The following PRRC2B variants were observed in gnomAD, a reference collection of about 807,000 sequenced individuals.
PRRC2B encodes protein PRRC2B.
Under a neutral mutation model 242.3 loss-of-function variants are expected in PRRC2B, and 68 were observed. That is an observed-to-expected ratio of 0.28 (90% CI 0.23 to 0.34). The LOEUF is 0.34. Among genes scored for constraint, PRRC2B ranks in the 10% least tolerant of loss-of-function variants. PRRC2B has a pLI of 1.00. For synonymous variants in PRRC2B, 1,228 were observed against 1,173.6 expected (o/e 1.05, Z -0.95); for missense variants, 2,835 against 2,954.8 (o/e 0.96, Z 0.94).
chr9:131,474,405 A>G, intron 15 of PRRC2B, 49 bp from the exon 16 acceptor site: 1 of 1,496,304 alleles, frequency 6.7e-7, no homozygotes, highest in East Asian at 2.3e-5. Flanking sequence ...CATGGAAACC[A>G]GGAACCAGGC....
rs530729177 is a variant in PRRC2B, at chr9:131,428,986, C to T, written c.-51-1108C>T. ...TGTGTTTTTTTTTAAGATGCAGTCT[C>T]GCTCTGTCGCCTAGACGGGAGTGCA... is the stretch of plus-strand genomic sequence containing the variant. On this transcript the variant is annotated intron_variant, in intron 1 of 31. Transcript: ENST00000683519. Among the ~76,000 whole-genome samples the T allele has an allele frequency of 4.6e-5, 7 of 152,276 alleles. No homozygotes were observed. The South Asian group carries it at 8.3e-4, about 18-fold the overall frequency.
At chr9:131,392,665 C>T (rs995263162), upstream of PRRC2B, among the ~76,000 whole-genome samples, 3 of 152,098 alleles carry the variant, frequency 2.0e-5, no homozygotes, top group African/African-American at 7.2e-5. Context: ...GTAATCCCAA[C>T]ACTTTGGGAG....
chr9:131,390,343 C>T (rs1329648933), upstream of PRRC2B, among the ~76,000 whole-genome samples: 1 of 150,070 alleles, frequency 6.7e-6, no homozygotes. Context: ...TCCCAGGGCT[C>T]TCCTCTGGGC....
upstream of PRRC2B, among the ~76,000 whole-genome samples, chr9:131,391,050 C>G (rs1304781069): frequency 6.6e-6 from 1 of 151,506 alleles, no homozygotes; most frequent in Non-Finnish European, 1.5e-5. Flanking sequence ...CTCCCAAAGT[C>G]CTGGGATTAC....
Position 131,455,912 on chromosome 9 carries a change from A to C in PRRC2B, c.1211+746A>C, listed in dbSNP as rs141618392. On this transcript the variant is annotated intron_variant, in intron 10 of 31. Coordinates refer to ENST00000683519, the MANE Select transcript of PRRC2B (RefSeq NM_013318.4). Reference sequence around the variant, plus strand: ...TGGATCTCTTGAGGTCAGGAGTTTGAGACCAGCCTGCCCAAGATGGTGAAA... The same window carrying C: ...TGGATCTCTTGAGGTCAGGAGTTTGCGACCAGCCTGCCCAAGATGGTGAAA... 6.9e-3 allele frequency among the ~76,000 whole-genome samples: 1,046 copies of C among 151,932 alleles called. 11 individuals are homozygous for C. Among genetic ancestry groups the C allele is most frequent in the African/African-American group, 0.022 (925 of 41,468 alleles).
intron 31 of PRRC2B, 60 bp from the exon 32 acceptor site, chr9:131,495,680 T>C: frequency 1.3e-6 from 2 of 1,567,230 alleles, no homozygotes; most frequent in Non-Finnish European, 1.7e-6. Context: ...GTGGGAACTA[T>C]GTATCCAAAC....
intron 9 of PRRC2B, among the ~76,000 whole-genome samples, chr9:131,450,657 A>G (rs1942886004): frequency 6.6e-6 from 1 of 151,562 alleles, no homozygotes. Flanking sequence ...GCATGATCTC[A>G]GCTCATTGCA....
chr9:131,423,708 C>A (rs1837908001), intron 1 of PRRC2B, among the ~76,000 whole-genome samples: 1 of 152,196 alleles, frequency 6.6e-6, no homozygotes, highest in South Asian at 2.1e-4. Context: ...TTGCTTATTT[C>A]TCTTCAGGCT....
chr9:131,476,341 C>T lies in PRRC2B; in HGVS notation c.4212C>T (p.Gly1404=). The T allele has an allele frequency of 1.3e-6, 2 of 1,586,328 alleles. No homozygotes were observed. Among genetic ancestry groups the T allele is most frequent in the Admixed American group, 1.8e-5 (1 of 55,000 alleles). ...AGCCCGACTCCCAGGTGGATGGTGG[C>T]CTGTCGGGGGCTAGTTTGGGTGAGA... ...GSEPDSQVDG[G]LSGASLGEKK... The change falls in exon 16 of 32, where the codon GGC becomes GGT. Residue 1404 remains glycine (G), a synonymous_variant. Transcript: ENST00000683519.
chr9:131,491,326 AG>A, intron 28 of PRRC2B, 98 bp from the exon 29 acceptor site: 1 of 1,171,182 alleles, frequency 8.5e-7, no homozygotes, highest in Non-Finnish European at 1.2e-6. Flanking sequence ...GTTCTTCTGA[AG>A]TGTATGAATC....
chr9:131,442,410 T>C (rs1057213296), intron 5 of PRRC2B, among the ~76,000 whole-genome samples: 2 of 152,162 alleles, frequency 1.3e-5, no homozygotes, highest in African/African-American at 4.8e-5. Flanking sequence ...TCTACCATAA[T>C]GAAGCGACTC....
chr9:131,411,858 G>C (rs1837516684), intron 1 of PRRC2B, among the ~76,000 whole-genome samples: 1 of 152,142 alleles, frequency 6.6e-6, no homozygotes, highest in Admixed American at 6.5e-5. Context: ...CTGTCACCCA[G>C]GGTGGAGTGC....
chr9:131,387,883 A>G lies in PRRC2B; in HGVS notation c.-56+14152A>G, dbSNP rs113735806. On this transcript the variant is annotated intron_variant, in intron 1 of 1. Coordinates refer to the PRRC2B transcript ENST00000682525. ...GTTGCAACAGTAATATTTTTGATAT[A>G]GTAGGCTAAATAAAATTCATTATTA... 8.1e-3 allele frequency among the ~76,000 whole-genome samples: 1,219 copies of G among 151,026 alleles called. 46 individuals are homozygous for G. Among genetic ancestry groups the G allele is most frequent in the African/African-American group, 0.028 (1,171 of 41,440 alleles).
At chr9:131,483,024 C>T in intron 22 of PRRC2B, 117 bp downstream of exon 22, 4 of 1,202,540 alleles carry the variant, frequency 3.3e-6, no homozygotes, top group Non-Finnish European at 4.7e-6. Flanking sequence ...GGGAGCCAAG[C>T]AGTCTTCCAG....
At chr9:131,415,445 G>A (rs1373018535) in intron 1 of PRRC2B, among the ~76,000 whole-genome samples, 1 of 152,210 alleles carries the variant, frequency 6.6e-6, no homozygotes, top group African/African-American at 2.4e-5. Context: ...CTGGGGCTGG[G>A]TCAGCCTCCC....
rs746113296 is a variant in PRRC2B, at chr9:131,464,751, T to C, written c.1405-12T>C. The C allele has an allele frequency of 1.9e-6, 3 of 1,564,906 alleles. No individual in the cohort carries two copies. Among genetic ancestry groups the C allele is most frequent in the Admixed American group, 3.6e-5 (2 of 54,874 alleles). On this transcript the variant is annotated splice_polypyrimidine_tract_variant and intron_variant, in intron 11 of 31. Transcript: ENST00000683519. ...GACCCACCGCCTTATCTCAGAGACA[T>C]TCTCTTGGCAGAAGTCATCAATGGG...
At chr9:131,401,538 A>T (rs1249076975) in intron 1 of PRRC2B, among the ~76,000 whole-genome samples, 1 of 151,198 alleles carries the variant, frequency 6.6e-6, no homozygotes, top group African/African-American at 2.4e-5. Context: ...TTTTGTAGAG[A>T]CGGGGTTTCA....
At chr9:131,424,907 G>C (rs918009463) in intron 1 of PRRC2B, among the ~76,000 whole-genome samples, 3 of 152,188 alleles carry the variant, frequency 2.0e-5, no homozygotes, top group Admixed American at 2.0e-4. Flanking sequence ...AATAGTTGTA[G>C]ACAGACTGAC....
chr9:131,457,417 A>C (rs1478640574), intron 10 of PRRC2B, among the ~76,000 whole-genome samples: 1 of 152,222 alleles, frequency 6.6e-6, no homozygotes, highest in East Asian at 1.9e-4. Flanking sequence ...TTTTGGAGAC[A>C]GTTTTGCCCC....
Sources: gnomAD v4.1 joint callset for allele counts (sites outside exome capture counted in the v4.1 genomes callset) on GRCh38, gnomAD v4.1.1 for gene constraint, MANE v1.5 for transcripts, NCBI Gene and HGNC (gene_info 2026-07-23, HGNC 2026-07-21) for gene names.